Variants in SYN3 observed in about 807,000 individuals in gnomAD.
SYN3 encodes the protein synapsin III.
In SYN3, 35 loss-of-function variants were observed where a neutral mutation model predicts 65.8. The ratio of observed to expected loss-of-function variants is 0.53; its 90% CI spans 0.41 to 0.70. The LOEUF (loss-of-function observed/expected upper bound fraction) is 0.70. SYN3 is among the 30% of genes least tolerant of loss of function. SYN3 has a pLI of 0.00. For synonymous variants in SYN3, 270 were observed against 292.9 expected, an observed-to-expected ratio of 0.92 and a Z score of 0.80; for missense variants, 680 against 749.0, an observed-to-expected ratio of 0.91 and a Z score of 1.08.
chr22:32,659,307 G>GA (rs2060184946), intron 6 of SYN3, among the ~76,000 whole-genome samples: 1 of 152,194 alleles, frequency 6.6e-6, no homozygotes, highest in African/African-American at 2.4e-5. Flanking sequence ...GGAAAATTGA[G>GA]AGAGAGAATG....
chr22:32,751,458 C>T (rs1325736936), intron 6 of SYN3, among the ~76,000 whole-genome samples: 1 of 152,072 alleles, frequency 6.6e-6, no homozygotes, highest in Non-Finnish European at 1.5e-5. Context: ...TCTGGGGAGT[C>T]CAGGTGCGGG....
At chr22:32,761,691 T>G (rs2045485014) in intron 6 of SYN3, among the ~76,000 whole-genome samples, 1 of 152,184 alleles carries the variant, frequency 6.6e-6, no homozygotes, top group Non-Finnish European at 1.5e-5. Flanking sequence ...GCTGCTTTGT[T>G]TTGCGGGGAG....
At chr22:32,884,328 T>C (rs2049230862) in intron 4 of SYN3, among the ~76,000 whole-genome samples, 1 of 152,192 alleles carries the variant, frequency 6.6e-6, no homozygotes. Flanking sequence ...GACTTTGGGT[T>C]CAAGCCCCAG....
intron 6 of SYN3, among the ~76,000 whole-genome samples, chr22:32,681,387 C>T (rs1287759337): frequency 6.6e-6 from 1 of 152,324 alleles, no homozygotes; most frequent in South Asian, 2.1e-4. Flanking sequence ...ATTTTGGCCC[C>T]AGGGGATATT....
At chr22:32,593,820 A>G (rs2059160208) in intron 7 of SYN3, among the ~76,000 whole-genome samples, 1 of 152,152 alleles carries the variant, frequency 6.6e-6, no homozygotes, top group Non-Finnish European at 1.5e-5. Flanking sequence ...AAGAGCACTC[A>G]GGGATCGTGT....
chr22:32,946,424 C>G lies in SYN3; in HGVS notation c.370-14943G>C, dbSNP rs544017561. 3.6e-3 allele frequency among the ~76,000 whole-genome samples: 551 copies of G among 151,958 alleles called. 3 individuals are homozygous for G. Among genetic ancestry groups the G allele is most frequent in the African/African-American group, 0.013 (527 of 41,414 alleles). On this transcript the variant is annotated intron_variant, in intron 3 of 13. Transcript: ENST00000358763. The stretch of plus-strand genomic sequence containing the variant: ...CGATGAAGCTGGAAACCATCATTCT[C>G]AGCAAACTATCACAAGGACAGAAAA...
chr22:32,833,204 CCATTAAGAGAGT>C (rs2047629620), intron 6 of SYN3, among the ~76,000 whole-genome samples: 1 of 152,110 alleles, frequency 6.6e-6, no homozygotes, highest in African/African-American at 2.4e-5. Context: ...CCTAACAAAG[CCATTAAGAGAGT>C]CATTGGCCCC....
At chr22:32,705,438 T>C (rs2147220027) in intron 6 of SYN3, among the ~76,000 whole-genome samples, 1 of 152,344 alleles carries the variant, frequency 6.6e-6, no homozygotes, top group Admixed American at 6.5e-5. Context: ...ACCAGTACCA[T>C]GCTGTTTTGG....
intron 6 of SYN3, among the ~76,000 whole-genome samples, chr22:32,656,226 T>C (rs2060140712): frequency 6.6e-6 from 1 of 152,192 alleles, no homozygotes; most frequent in Non-Finnish European, 1.5e-5. Flanking sequence ...ACAGTGGTTA[T>C]GAGTCAAACA....
chr22:32,637,840 T>C (rs927726034), intron 6 of SYN3, among the ~76,000 whole-genome samples: 1 of 152,006 alleles, frequency 6.6e-6, no homozygotes, highest in Non-Finnish European at 1.5e-5. Flanking sequence ...GGTTTCACCA[T>C]GTTGGCGAGG....
At chr22:32,954,748 A>G (rs1939429015) in intron 3 of SYN3, among the ~76,000 whole-genome samples, 2 of 152,008 alleles carry the variant, frequency 1.3e-5, no homozygotes, top group Non-Finnish European at 2.9e-5. Flanking sequence ...ATGCTGCTGG[A>G]GCTGGGCACT....
At chr22:32,886,170 G>C (rs551023475) in intron 4 of SYN3, among the ~76,000 whole-genome samples, 1 of 152,294 alleles carries the variant, frequency 6.6e-6, no homozygotes, top group Admixed American at 6.5e-5. Flanking sequence ...GACACACATG[G>C]GTAAATTTTA....
intron 12 of SYN3, 23 bp downstream of exon 12, chr22:32,527,895 C>CA: frequency 6.4e-7 from 1 of 1,572,860 alleles, no homozygotes; most frequent in Non-Finnish European, 8.6e-7. Context: ...TGCTTTCTTG[C>CA]AGTGGCTCGT....
intron 7 of SYN3, among the ~76,000 whole-genome samples, chr22:32,542,858 G>A (rs1180412017): frequency 6.6e-6 from 1 of 151,998 alleles, no homozygotes; most frequent in Non-Finnish European, 1.5e-5. Flanking sequence ...AACAGAGGCT[G>A]ACTCCCAGCG....
At chr22:32,875,360 G>A (rs748514631) in intron 4 of SYN3, among the ~76,000 whole-genome samples, 5 of 152,154 alleles carry the variant, frequency 3.3e-5, no homozygotes, top group African/African-American at 4.8e-5. Context: ...TCCTTGTCTC[G>A]TTTCAGCCTC....
chr22:32,513,865 A>T, intron 13 of SYN3, 41 bp from the exon 14 acceptor site: 1 of 1,611,394 alleles, frequency 6.2e-7, no homozygotes, highest in Non-Finnish European at 8.5e-7. Context: ...GACAAGGCGA[A>T]GACTATCAAA....
intron 7 of SYN3, among the ~76,000 whole-genome samples, chr22:32,595,134 G>A (rs184250907): frequency 4.5e-4 from 68 of 152,270 alleles, no homozygotes; most frequent in Non-Finnish European, 7.8e-4. Flanking sequence ...TGGTTTGACT[G>A]GTGTTAAACT....
chr22:33,037,373 T>C (rs2053881049), intron 1 of SYN3, among the ~76,000 whole-genome samples: 2 of 152,166 alleles, frequency 1.3e-5, no homozygotes, highest in Admixed American at 1.3e-4. Context: ...TCATTTGAAA[T>C]TGAGGGGCTC....
In SYN3 at chr22:32,891,977, C is replaced by CTAATAATAATAATAA. The variant is rs57171093; in HGVS notation, c.462-22867_462-22853dup. 6.2e-3 allele frequency among the ~76,000 whole-genome samples: 917 copies of CTAATAATAATAATAA among 148,282 alleles called. 9 individuals are homozygous for CTAATAATAATAATAA. Among genetic ancestry groups the CTAATAATAATAATAA allele is most frequent in the South Asian group, 0.011 (53 of 4,646 alleles). On this transcript the variant is annotated intron_variant, in intron 4 of 13. Coordinates refer to ENST00000358763, the MANE Select transcript of SYN3 (RefSeq NM_003490.4). ...GTATTGTTTCAAGATTCCTTTTTAG[C>CTAATAATAATAATAA]TAATAATAATAATAATAATAATAAT...
Sources: allele counts gnomAD v4.1 joint callset (sites outside exome capture counted in the v4.1 genomes callset), GRCh38; gene constraint gnomAD v4.1.1; transcripts MANE v1.5; gene names NCBI Gene and HGNC (gene_info 2026-07-23, HGNC 2026-07-21).